The following COL9A3 variants were observed in gnomAD, a reference collection of about 807,000 sequenced individuals.
COL9A3 encodes the protein collagen alpha-3(IX) chain.
A neutral mutation model predicts 110.2 loss-of-function variants in COL9A3; 82 were observed. That is an observed-to-expected ratio of 0.74 (90% CI 0.62 to 0.89). The LOEUF is 0.89. COL9A3 is among the 40% of genes least tolerant of loss of function. The pLI is 0.00. For synonymous variants in COL9A3, 494 were observed against 403.8 expected (o/e 1.22, Z -2.68); for missense variants, 1,066 against 981.3 (o/e 1.09, Z -1.15).
chr20:62,827,893 C>T, intron 16 of COL9A3, 30 bp from the exon 17 acceptor site: 1 of 1,611,166 alleles, frequency 6.2e-7, no homozygotes, highest in South Asian at 1.1e-5. Flanking sequence ...AAGAGACTGC[C>T]ACTGCTTCTG....
chr20:62,822,115 C>T lies in COL9A3; in HGVS notation c.428C>T (p.Pro143Leu). The change falls in exon 9 of 32, where the codon CCT (proline) becomes CTT (leucine). Residue 143 changes from proline (P) to leucine (L), a missense_variant. By Grantham distance (98) the Pro-to-Leu change is moderately conservative. Coordinates refer to ENST00000649368, the MANE Select transcript of COL9A3 (RefSeq NM_001853.4). The part of the protein sequence containing the change: ...GGIGLRGPPG[P>L]SGLPGLPGPP... Reference sequence around the variant, plus strand: ...TAAGTCATACCCCCTCCCCAGGGACCTTCTGGACTCCCCGGCCTCCCTGGT... The same window carrying T: ...TAAGTCATACCCCCTCCCCAGGGACTTTCTGGACTCCCCGGCCTCCCTGGT... The T allele has an allele frequency of 6.4e-7, 1 of 1,569,378 alleles. No individual in the cohort carries two copies. The highest frequency in any genetic ancestry group is 8.8e-7 in the Non-Finnish European group (1 of 1,139,968).
intron 24 of COL9A3, 64 bp downstream of exon 24, chr20:62,830,652 A>ACCCCCCACCACAGT (rs372487010): frequency 2.4e-6 from 1 of 422,850 alleles, no homozygotes; most frequent in African/African-American, 7.9e-5. Flanking sequence ...ACAGTCCCCC[A>ACCCCCCACCACAGT]CCCCCATGAC....
At chr20:62,827,124 ACT>A (rs1278511246) in intron 15 of COL9A3, 115 bp from the exon 16 acceptor site, 8 of 1,037,166 alleles carry the variant, frequency 7.7e-6, no homozygotes, top group South Asian at 1.3e-5. Flanking sequence ...CCCCCATCCC[ACT>A]CTCTGACCAC....
intron 3 of COL9A3, 118 bp downstream of exon 3, chr20:62,818,671 G>A: frequency 1.8e-6 from 2 of 1,097,404 alleles, no homozygotes; most frequent in Middle Eastern, 1.9e-4. Flanking sequence ...TTGCCTGAGG[G>A]GAGGCCTCAG....
At chr20:62,824,569 G>T in intron 11 of COL9A3, 68 bp downstream of exon 11, 1 of 1,473,946 alleles carries the variant, frequency 6.8e-7, no homozygotes, top group South Asian at 1.2e-5. Flanking sequence ...GGCTCCCATG[G>T]GGCTGTGGAG....
Position 62,837,255 on chromosome 20 carries a change from C to G in COL9A3, c.1776C>G (p.Pro592=), listed in dbSNP as rs138477294. 3.1e-6 allele frequency: 5 copies of G among 1,610,206 alleles called. No individual in the cohort carries two copies. Among genetic ancestry groups the G allele is most frequent in the South Asian group, 1.1e-5 (1 of 91,070 alleles). Residue 592 remains proline (P), a synonymous_variant, in exon 30 of 32, where the codon CCC becomes CCG. Coordinates refer to ENST00000649368, the MANE Select transcript of COL9A3 (RefSeq NM_001853.4). ...YRGPTGELGD[P]GPRGNQGDRG... ...GTCCCACTGGGGAGCTGGGAGACCCCGGGCCCAGAGGTGAGTGTTTGACCC... is the reference window on the plus strand; with the variant it reads ...GTCCCACTGGGGAGCTGGGAGACCCGGGGCCCAGAGGTGAGTGTTTGACCC...
rs535854289 is a variant in COL9A3 at position 62,825,587 on chromosome 20, C to G, written c.631-230C>G. On this transcript the variant is annotated intron_variant, in intron 12 of 31. Coordinates refer to ENST00000649368, the MANE Select transcript of COL9A3 (RefSeq NM_001853.4). Reference sequence around the variant, plus strand: ...GAGGGGCCTGGACAGGGCTGAAGGGCCTTGTGGGAACAGTGACCACGGACC... The same window carrying G: ...GAGGGGCCTGGACAGGGCTGAAGGGGCTTGTGGGAACAGTGACCACGGACC... 262 of 612,636 alleles carry G rather than the reference C, an allele frequency of 4.3e-4. 1 individual carries two copies. The highest frequency in any genetic ancestry group is 6.7e-4 in the Non-Finnish European group (226 of 338,008). The allele number at this position is 612,636 out of a possible 1,614,324, so 38.0% of individuals were successfully genotyped here. A position where few individuals can be genotyped will look rare whatever the true frequency, so the allele number is the denominator to read the frequency against.
chr20:62,827,349 C>T (rs1434200272), intron 16 of COL9A3, 55 bp downstream of exon 16: 4 of 1,572,438 alleles, frequency 2.5e-6, no homozygotes, highest in Admixed American at 3.4e-5. Context: ...ACCCAATTTC[C>T]CTCCTGACTC....
chr20:62,836,234 C>CG lies in COL9A3; in HGVS notation c.1451dup (p.Thr485HisfsTer116). 1 of 1,613,672 alleles carries CG rather than the reference C, an allele frequency of 6.2e-7. No homozygotes were observed. Among genetic ancestry groups the CG allele is most frequent in the Non-Finnish European group, 8.5e-7 (1 of 1,179,994 alleles). On this transcript the variant is annotated frameshift_variant, in exon 28 of 32. Coordinates refer to ENST00000649368, the MANE Select transcript of COL9A3 (RefSeq NM_001853.4). LOFTEE classifies it high-confidence loss of function. ...GCCCCAAAGGCACCCAGGGTCCCAA[C>CG]GGCACCAGCGGTGTTCAGGGTGTCC...
chr20:62,840,739 A>G lies in COL9A3; in HGVS notation c.*7A>G, dbSNP rs1264656947. 3.2e-6 allele frequency: 5 copies of G among 1,559,676 alleles called. No individual in the cohort carries two copies. The African/African-American group carries it at 5.4e-5, about 17-fold the overall frequency. On this transcript the variant is annotated 3_prime_UTR_variant, in exon 32 of 32. Coordinates refer to ENST00000649368, the MANE Select transcript of COL9A3 (RefSeq NM_001853.4). ...AGGCTCTCGAAGCTCATAAAATTCA[A>G]CGTGAGGAAGCAAGTGACAAGGACG...
At chr20:62,822,007 G>T (rs977599446) in intron 8 of COL9A3, 104 bp from the exon 9 acceptor site, 10 of 838,066 alleles carry the variant, frequency 1.2e-5, no homozygotes, top group African/African-American at 5.0e-5. Flanking sequence ...CCGTGGGAGT[G>T]GGGGCTGGTG....
chr20:62,817,133 C>T lies in COL9A3; in HGVS notation c.69C>T (p.Ala23=). The change falls in exon 1 of 32, where the codon GCC becomes GCT. Residue 23 remains alanine, a synonymous_variant. Transcript: ENST00000649368. ...TGCTCGGGGAGCTTCTGGCGGCCGC[C>T]GGGGCGCAGGTGAGCGCGAGCTCCG... The part of the protein sequence containing the change: ...LLLLGELLAA[A]GAQRVGLPGP... The T allele has an allele frequency of 1.4e-6, 2 of 1,396,360 alleles. No homozygotes were observed. The highest frequency in any genetic ancestry group is 1.4e-5 in the South Asian group (1 of 70,906). The allele number at this position is 1,396,360 out of a possible 1,614,324, so 86.5% of individuals were successfully genotyped here.
At chr20:62,826,569 T>C (rs2063554935) in intron 14 of COL9A3, among the ~76,000 whole-genome samples, 198 bp from the exon 15 acceptor site, 1 of 152,158 alleles carries the variant, frequency 6.6e-6, no homozygotes, top group Non-Finnish European at 1.5e-5. Context: ...CCCAGGCTGC[T>C]GTGAGGGCTG....
rs368744467 is a variant in COL9A3 at position 62,821,203 on chromosome 20, C to T, written c.332C>T (p.Pro111Leu). 52 of 1,613,156 alleles carry T rather than the reference C, an allele frequency of 3.2e-5. No homozygotes were observed. The highest frequency in any genetic ancestry group is 3.3e-4 in the Middle Eastern group (2 of 6,080). Residue 111 changes from proline to leucine, a missense_variant, in exon 6 of 32, where the codon CCG becomes CTG. Pro to Leu is a moderately conservative substitution (Grantham distance 98). Transcript: ENST00000649368. ...CAGGGAAGTCTGGGACCCCCGGGGC[C>T]GCCCGGGCTGGGGGTGAGTATGGAG... ...GERGSLGPPG[P>L]PGLGGKGLPG...
chr20:62,817,210 C>T (rs1990957547), intron 1 of COL9A3, 68 bp downstream of exon 1: 2 of 1,146,526 alleles, frequency 1.7e-6, no homozygotes, highest in South Asian at 2.7e-5. Context: ...GAACCCGCCA[C>T]TCCGGGGTGC....
At chr20:62,840,406 C>A in intron 31 of COL9A3, 136 bp from the exon 32 acceptor site, 1 of 862,390 alleles carries the variant, frequency 1.2e-6, no homozygotes, top group Non-Finnish European at 1.9e-6. Flanking sequence ...TTCCCTCGGC[C>A]TCCCCACCCG....
intron 5 of COL9A3, among the ~76,000 whole-genome samples, chr20:62,820,316 C>T (rs775895324): frequency 6.6e-6 from 1 of 151,930 alleles, no homozygotes; most frequent in South Asian, 2.1e-4. Flanking sequence ...CAGGGACCCC[C>T]GGGCACGCAG....
chr20:62,836,124 A>C, intron 27 of COL9A3, 63 bp from the exon 28 acceptor site: 1 of 1,603,466 alleles, frequency 6.2e-7, no homozygotes, highest in South Asian at 1.1e-5. Flanking sequence ...GGGAAAGAGC[A>C]CGTCGGGGTG....
At chr20:62,825,909 T>G in intron 13 of COL9A3, 39 bp downstream of exon 13, 1 of 1,541,886 alleles carries the variant, frequency 6.5e-7, no homozygotes, top group Non-Finnish European at 8.8e-7. Flanking sequence ...GGATGGGAAC[T>G]CAGCCCACAG....
Sources: allele counts gnomAD v4.1 joint callset (sites outside exome capture counted in the v4.1 genomes callset), GRCh38; gene constraint gnomAD v4.1.1; transcripts MANE v1.5; gene names NCBI Gene and HGNC (gene_info 2026-07-23, HGNC 2026-07-21).